CMKLR2: variants seen among roughly 807,000 people sequenced by gnomAD.
The protein encoded by CMKLR2 is chemerin-like receptor 2.
In CMKLR2, 18 loss-of-function variants were observed where a neutral mutation model predicts 23.0. The ratio of observed to expected loss-of-function variants is 0.78; its 90% CI spans 0.54 to 1.16. CMKLR2 has a LOEUF of 1.16. Ranked by LOEUF, CMKLR2 falls within the 50% of genes most tolerant of loss-of-function variation. CMKLR2 has a pLI of 0.00. For synonymous variants in CMKLR2, 158 were observed against 158.9 expected, an observed-to-expected ratio of 0.99 and a Z score of 0.05; for missense variants, 401 against 412.7, an observed-to-expected ratio of 0.97 and a Z score of 0.25.
intron 1 of CMKLR2, among the ~76,000 whole-genome samples, chr2:206,198,832 C>T (rs2105824607): frequency 6.6e-6 from 1 of 152,284 alleles, no homozygotes; most frequent in Middle Eastern, 3.4e-3. Context: ...GTGAAGCAGA[C>T]TTATGTAATC....
chr2:206,213,059 T>C (rs1247586263), intron 1 of CMKLR2, among the ~76,000 whole-genome samples: 2 of 152,234 alleles, frequency 1.3e-5, no homozygotes, highest in Non-Finnish European at 1.5e-5. Context: ...TCATTTTCTC[T>C]CTTGCAGTGT....
At chr2:206,185,859 G>A (rs1559086227) in intron 1 of CMKLR2, among the ~76,000 whole-genome samples, 1 of 152,134 alleles carries the variant, frequency 6.6e-6, no homozygotes, top group Non-Finnish European at 1.5e-5. Context: ...CTGTACCAGA[G>A]TCCAAGGCCT....
chr2:206,211,007 C>A (rs1265695268), intron 1 of CMKLR2, among the ~76,000 whole-genome samples: 2 of 152,044 alleles, frequency 1.3e-5, no homozygotes, highest in East Asian at 3.9e-4. Context: ...TGCCTAGGGA[C>A]AATTTGGTCC....
At chr2:206,199,426 G>A (rs1288923821) in intron 1 of CMKLR2, among the ~76,000 whole-genome samples, 1 of 152,092 alleles carries the variant, frequency 6.6e-6, no homozygotes, top group African/African-American at 2.4e-5. Flanking sequence ...AAGACAGAGA[G>A]AGTGAGCATG....
At position 206,176,779 on chromosome 2, in the gene CMKLR2, C is replaced by T; in HGVS notation, c.469G>A (p.Val157Ile). ...RHRTLKNSLIVIIFIWLLASL... is the reference protein window; with the variant it reads ...RHRTLKNSLIIIIFIWLLASL... Reference sequence around the variant, plus strand: ...GCCAAAAGCCAGATGAATATAATGACAATCAGAGAGTTCTTGAGGGTTCGA... The same window carrying T: ...GCCAAAAGCCAGATGAATATAATGATAATCAGAGAGTTCTTGAGGGTTCGA... Residue 157 changes from valine (V) to isoleucine (I), a missense_variant, in exon 2 of 2, where the codon GTC becomes ATC. Transcript: ENST00000621141. 6.2e-7 allele frequency: 1 copy of T among 1,614,102 alleles called. No homozygotes were observed. Among genetic ancestry groups the T allele is most frequent in the South Asian group, 1.1e-5 (1 of 91,082 alleles).
chr2:206,177,529 G>C (rs1054074268), intron 1 of CMKLR2, among the ~76,000 whole-genome samples: 1 of 151,972 alleles, frequency 6.6e-6, no homozygotes, highest in African/African-American at 2.4e-5. Context: ...TAGGACCACA[G>C]GTGCTCATGA....
intron 1 of CMKLR2, among the ~76,000 whole-genome samples, chr2:206,182,872 C>A (rs1210634388): frequency 2.0e-5 from 3 of 152,078 alleles, no homozygotes; most frequent in Non-Finnish European, 4.4e-5. Context: ...CCCGTCTCAG[C>A]CTCCCAAAGT....
intron 1 of CMKLR2, among the ~76,000 whole-genome samples, chr2:206,199,935 G>C (rs889316627): frequency 2.6e-4 from 39 of 152,090 alleles, no homozygotes; most frequent in African/African-American, 8.9e-4. Flanking sequence ...AAATGAGAGG[G>C]CAAGAACCAC....
chr2:206,204,781 A>G (rs902753822), intron 1 of CMKLR2, among the ~76,000 whole-genome samples: 1 of 152,076 alleles, frequency 6.6e-6, no homozygotes, highest in African/African-American at 2.4e-5. Flanking sequence ...GAAAACATCA[A>G]CTGAAAGACT....
At chr2:206,192,773 CA>C (rs1179753801) in intron 1 of CMKLR2, among the ~76,000 whole-genome samples, 3 of 152,076 alleles carry the variant, frequency 2.0e-5, no homozygotes, top group African/African-American at 7.2e-5. Flanking sequence ...GAGAAATCTC[CA>C]AATTAGTACA....
At chr2:206,193,117 GA>G (rs1688805816) in intron 1 of CMKLR2, among the ~76,000 whole-genome samples, 1 of 150,340 alleles carries the variant, frequency 6.7e-6, no homozygotes, top group African/African-American at 2.4e-5. Context: ...CTTTTTTTTT[GA>G]AACCAAGTCT....
chr2:206,216,627 G>T (rs1261394581), upstream of CMKLR2, among the ~76,000 whole-genome samples: 1 of 152,098 alleles, frequency 6.6e-6, no homozygotes, highest in Non-Finnish European at 1.5e-5. Context: ...GGTCTATAGG[G>T]CCAACTGGGC....
At chr2:206,183,496 A>C (rs891563549) in intron 1 of CMKLR2, among the ~76,000 whole-genome samples, 8 of 152,156 alleles carry the variant, frequency 5.3e-5, no homozygotes. Context: ...TGAGTGATCT[A>C]TCTGAATAGA....
At chr2:206,183,746 G>T (rs1233133677) in intron 1 of CMKLR2, among the ~76,000 whole-genome samples, 1 of 152,086 alleles carries the variant, frequency 6.6e-6, no homozygotes, top group Non-Finnish European at 1.5e-5. Context: ...AAAGAGAAAC[G>T]GCAGAACTTA....
At chr2:206,179,189 C>T (rs1576033460) in intron 1 of CMKLR2, among the ~76,000 whole-genome samples, 1 of 148,140 alleles carries the variant, frequency 6.8e-6, no homozygotes, top group East Asian at 2.0e-4. Flanking sequence ...ATTCTCCTGC[C>T]TCAGCCTCCC....
At chr2:206,187,327 G>A (rs1268715551) in intron 1 of CMKLR2, among the ~76,000 whole-genome samples, 1 of 152,150 alleles carries the variant, frequency 6.6e-6, no homozygotes, top group Non-Finnish European at 1.5e-5. Flanking sequence ...AGTGGGTCAG[G>A]TGTCTGCTAA....
At chr2:206,202,738 A>G (rs1689145431) in intron 1 of CMKLR2, among the ~76,000 whole-genome samples, 1 of 152,032 alleles carries the variant, frequency 6.6e-6, no homozygotes, top group South Asian at 2.1e-4. Context: ...GTTTCAAGCC[A>G]TCCAGGTCAG....
Position 206,176,627 on chromosome 2 carries a change from A to C in CMKLR2, c.621T>G (p.Thr207=), listed in dbSNP as rs764403806. 58 of 1,614,068 alleles carry C rather than the reference A, an allele frequency of 3.6e-5. No homozygotes were observed. The highest frequency in any genetic ancestry group is 4.3e-5 in the Non-Finnish European group (51 of 1,180,050). ...DLTLIRHHVL[T]WVKFIIGYLF... ...GATAGCCAATGATAAATTTCACCCA[A>C]GTCAGAACATGGTGCCTGATCAAAG... is the stretch of plus-strand genomic sequence containing the variant. Residue 207 remains threonine, a synonymous_variant, in exon 2 of 2, where the codon ACT becomes ACG. Transcript: ENST00000621141.
At chr2:206,183,979 A>G (rs1688494577) in intron 1 of CMKLR2, among the ~76,000 whole-genome samples, 1 of 152,210 alleles carries the variant, frequency 6.6e-6, no homozygotes, top group Non-Finnish European at 1.5e-5. Flanking sequence ...TTGGCCTAAG[A>G]CAACAGAAAT....
Sources: gnomAD v4.1 joint callset for allele counts (sites outside exome capture counted in the v4.1 genomes callset) on GRCh38, gnomAD v4.1.1 for gene constraint, MANE v1.5 for transcripts, NCBI Gene and HGNC (gene_info 2026-07-23, HGNC 2026-07-21) for gene names.